DLG2: variants seen among roughly 807,000 people sequenced by gnomAD.
The protein encoded by DLG2 is discs large MAGUK scaffold protein 2.
A neutral mutation model predicts 132.5 loss-of-function variants in DLG2; 45 were observed. The observed-to-expected ratio is 0.34, with a 90% CI of 0.27 to 0.44. DLG2 has a LOEUF of 0.44. Among genes scored for constraint, DLG2 ranks in the 20% least tolerant of loss-of-function variants. The pLI is 1.00. For synonymous variants in DLG2, 424 were observed against 419.6 expected, an observed-to-expected ratio of 1.01 and a Z score of -0.13; for missense variants, 1,045 against 1,196.9, an observed-to-expected ratio of 0.87 and a Z score of 1.87.
chr11:84,150,040 G>A (rs2095244306), intron 9 of DLG2, among the ~76,000 whole-genome samples: 1 of 152,156 alleles, frequency 6.6e-6, no homozygotes, highest in Non-Finnish European at 1.5e-5. Flanking sequence ...ACAGGTGTGA[G>A]CCACTGCACC....
intron 6 of DLG2, among the ~76,000 whole-genome samples, chr11:84,636,031 AC>A (rs1329649156): frequency 1.3e-5 from 2 of 152,260 alleles, no homozygotes; most frequent in Non-Finnish European, 2.9e-5. Context: ...AACCAATGAG[AC>A]ATTGTTTGGG....
At chr11:85,190,185 T>C (rs780454567) in intron 4 of DLG2, among the ~76,000 whole-genome samples, 1 of 152,178 alleles carries the variant, frequency 6.6e-6, no homozygotes, top group Non-Finnish European at 1.5e-5. Flanking sequence ...TTTAATAGAA[T>C]TTACCTCCCA....
At chr11:85,128,746 G>T (rs2075398474) in intron 5 of DLG2, among the ~76,000 whole-genome samples, 1 of 152,086 alleles carries the variant, frequency 6.6e-6, no homozygotes, top group African/African-American at 2.4e-5. Context: ...CATACGTAGG[G>T]AATTCCATTA....
intron 19 of DLG2, among the ~76,000 whole-genome samples, chr11:83,579,413 T>C (rs1360958889): frequency 6.6e-6 from 1 of 152,246 alleles, no homozygotes; most frequent in East Asian, 1.9e-4. Context: ...GGCAATTTTG[T>C]TTCTGGCCAA....
chr11:84,438,240 AACAC>A (rs1657501122), intron 7 of DLG2, among the ~76,000 whole-genome samples: 1 of 152,164 alleles, frequency 6.6e-6, no homozygotes, highest in African/African-American at 2.4e-5. Context: ...TTACAAGGTA[AACAC>A]TTTATTTCTT....
chr11:85,414,303 G>C (rs2089617141), intron 3 of DLG2, among the ~76,000 whole-genome samples: 1 of 152,118 alleles, frequency 6.6e-6, no homozygotes, highest in East Asian at 1.9e-4. Flanking sequence ...TTCTGGAGGA[G>C]TCTTTAGGGT....
chr11:85,524,795 C>T (rs994583398), intron 3 of DLG2, among the ~76,000 whole-genome samples: 4 of 152,046 alleles, frequency 2.6e-5, no homozygotes, highest in Non-Finnish European at 5.9e-5. Context: ...TACCCCACTG[C>T]TACTCTAATT....
At chr11:83,786,108 AG>A (rs1280535292) in intron 18 of DLG2, among the ~76,000 whole-genome samples, 3 of 152,340 alleles carry the variant, frequency 2.0e-5, no homozygotes, top group African/African-American at 7.2e-5. Flanking sequence ...ACCAAAAAGC[AG>A]GGCATGGCTA....
chr11:83,823,072 A>T (rs1261840712), intron 17 of DLG2, among the ~76,000 whole-genome samples: 1 of 152,172 alleles, frequency 6.6e-6, no homozygotes, highest in Non-Finnish European at 1.5e-5. Flanking sequence ...GATACTTTAT[A>T]CATATATATG....
chr11:83,621,059 A>G (rs1024939792), intron 19 of DLG2, among the ~76,000 whole-genome samples: 1 of 152,164 alleles, frequency 6.6e-6, no homozygotes, highest in East Asian at 1.9e-4. Flanking sequence ...AAAACTACAA[A>G]TTTATAATAT....
At chr11:83,766,847 A>G (rs2094167551) in intron 18 of DLG2, among the ~76,000 whole-genome samples, 1 of 152,176 alleles carries the variant, frequency 6.6e-6, no homozygotes, top group Admixed American at 6.5e-5. Flanking sequence ...TCTAGAGTTT[A>G]GAAGACAAAA....
chr11:83,989,162 G>T (rs2093553062), intron 11 of DLG2, among the ~76,000 whole-genome samples: 1 of 152,124 alleles, frequency 6.6e-6, no homozygotes, highest in Non-Finnish European at 1.5e-5. Flanking sequence ...AGTGAGCCAT[G>T]GTAGCTGCAG....
intron 6 of DLG2, among the ~76,000 whole-genome samples, chr11:85,018,503 A>G (rs1277806203): frequency 1.3e-5 from 2 of 152,204 alleles, no homozygotes; most frequent in East Asian, 3.9e-4. Flanking sequence ...CTGTATCCCT[A>G]TCAAAGATTC....
At chr11:83,958,294 A>G (rs1331519078) in intron 14 of DLG2, among the ~76,000 whole-genome samples, 1 of 152,112 alleles carries the variant, frequency 6.6e-6, no homozygotes, top group East Asian at 1.9e-4. Context: ...AGTAAGTGAC[A>G]GAGTCAAACT....
intron 3 of DLG2, among the ~76,000 whole-genome samples, chr11:85,502,231 A>G (rs2093821091): frequency 6.6e-6 from 1 of 152,032 alleles, no homozygotes; most frequent in Non-Finnish European, 1.5e-5. Flanking sequence ...GAACACATGG[A>G]GACAGGGAGG....
intron 3 of DLG2, among the ~76,000 whole-genome samples, chr11:85,300,828 A>C (rs1410409330): frequency 6.6e-6 from 1 of 152,086 alleles, no homozygotes; most frequent in Non-Finnish European, 1.5e-5. Context: ...CAGGCATGGG[A>C]GTTTGAGGAC....
At chr11:84,849,013 G>A (rs938421025) in intron 6 of DLG2, among the ~76,000 whole-genome samples, 4 of 152,176 alleles carry the variant, frequency 2.6e-5, no homozygotes, top group African/African-American at 9.6e-5. Flanking sequence ...GTGTTTTAGG[G>A]AGGCCTGAAG....
chr11:84,393,535 A>G (rs2098800350), intron 7 of DLG2, among the ~76,000 whole-genome samples: 1 of 152,168 alleles, frequency 6.6e-6, no homozygotes, highest in South Asian at 2.1e-4. Context: ...ATCACACAAA[A>G]TGTGACTTGC....
intron 6 of DLG2, among the ~76,000 whole-genome samples, chr11:84,619,200 A>G (rs1433191844): frequency 6.6e-6 from 1 of 151,944 alleles, no homozygotes; most frequent in Non-Finnish European, 1.5e-5. Flanking sequence ...ATTAAATCAG[A>G]AATTAATAAC....
Sources: gnomAD v4.1 joint callset for allele counts (sites outside exome capture counted in the v4.1 genomes callset) on GRCh38, gnomAD v4.1.1 for gene constraint, MANE v1.5 for transcripts, NCBI Gene and HGNC (gene_info 2026-07-23, HGNC 2026-07-21) for gene names.